SNAPIN: variants seen among roughly 807,000 people sequenced by gnomAD.
The protein encoded by SNAPIN is SNARE-associated protein Snapin.
A neutral mutation model predicts 15.9 loss-of-function variants in SNAPIN; 16 were observed. The observed-to-expected ratio is 1.01, with a 90% CI of 0.68 to 1.53. The LOEUF is 1.53. Ranked by LOEUF, SNAPIN falls within the 40% of genes most tolerant of loss-of-function variation. The pLI is 0.00. For synonymous variants in SNAPIN, 83 were observed against 76.2 expected (o/e 1.09, Z -0.46); for missense variants, 186 against 180.1 (o/e 1.03, Z -0.19).
rs777501296 is a variant in SNAPIN, at chr1:153,659,561, G to C, written c.304G>C (p.Ala102Pro). 5 of 1,607,140 alleles carry C rather than the reference G, an allele frequency of 3.1e-6. No homozygotes were observed. Among genetic ancestry groups the C allele is most frequent in the Non-Finnish European group, 4.3e-6 (5 of 1,173,684 alleles). ...VVLVNNILQN[A>P]QERLRRLNHS... ...CTTGGTTAACAACATTCTACAGAAT[G>C]CTCAGGTAAAAGAATATCTTACCAA... Residue 102 changes from alanine (A) to proline (P), a missense_variant, in exon 3 of 4, where the codon GCT becomes CCT. Transcript: ENST00000368685.
chr1:153,659,063 G>T, intron 1 of SNAPIN, 75 bp from the exon 2 acceptor site: 1 of 1,575,424 alleles, frequency 6.3e-7, no homozygotes, highest in Non-Finnish European at 8.7e-7. Flanking sequence ...CTCAGTACTT[G>T]GTAAATACGT....
intron 3 of SNAPIN, 87 bp downstream of exon 3, chr1:153,659,653 T>C (rs985797980): frequency 7.1e-5 from 69 of 968,380 alleles, no homozygotes; most frequent in Non-Finnish European, 1.0e-4. Context: ...TTAAAATTCT[T>C]TGGGGAAAGG....
chr1:153,660,515 G>A (rs926790226), intron 3 of SNAPIN, among the ~76,000 whole-genome samples: 4 of 151,932 alleles, frequency 2.6e-5, no homozygotes, highest in African/African-American at 9.7e-5. Context: ...GGGCGTGGTA[G>A]CGCATGCCTG....
chr1:153,660,608 A>G (rs1669124798), intron 3 of SNAPIN, among the ~76,000 whole-genome samples: 1 of 144,934 alleles, frequency 6.9e-6, no homozygotes, highest in Non-Finnish European at 1.5e-5. Context: ...AGATCGCACC[A>G]TTGCACTTCA....
intron 3 of SNAPIN, among the ~76,000 whole-genome samples, chr1:153,660,888 G>T (rs919498479): frequency 6.6e-6 from 1 of 150,924 alleles, no homozygotes; most frequent in African/African-American, 2.4e-5. Context: ...GGTTTCAAGC[G>T]ATTCTCCTGC....
intron 1 of SNAPIN, 118 bp downstream of exon 1, chr1:153,659,004 G>A: frequency 6.4e-7 from 1 of 1,565,368 alleles, no homozygotes; most frequent in Admixed American, 1.8e-5. Context: ...GAGGCGGGGA[G>A]GACAGGCGGG....
chr1:153,660,132 T>G (rs993558560), intron 3 of SNAPIN, among the ~76,000 whole-genome samples: 1 of 151,938 alleles, frequency 6.6e-6, no homozygotes, highest in Non-Finnish European at 1.5e-5. Flanking sequence ...AAGCGATCCA[T>G]CCACCTCAGC....
At chr1:153,660,331 C>CTTTTT (rs534699445) in intron 3 of SNAPIN, among the ~76,000 whole-genome samples, 3 of 135,190 alleles carry the variant, frequency 2.2e-5, no homozygotes, top group African/African-American at 8.3e-5. Flanking sequence ...CCTGCCTGGC[C>CTTTTT]TTTTTTTTTT....
At position 153,658,889 on chromosome 1, in the gene SNAPIN, G is replaced by A. The variant is rs370283019; in HGVS notation, c.143+3G>A. The A allele has an allele frequency of 4.2e-4, 673 of 1,609,410 alleles. No homozygotes were observed. The highest frequency in any genetic ancestry group is 5.5e-4 in the Non-Finnish European group (648 of 1,179,234). On this transcript the variant is annotated splice_donor_region_variant and intron_variant, in intron 1 of 3. Transcript: ENST00000368685. ...GACTCTCACGTACACGCCGTCAGGT[G>A]CCCGGGAGGGAAGTTGGGGGCGGGG...
Position 153,659,074 on chromosome 1 carries a change from A to G in SNAPIN, c.144-64A>G, listed in dbSNP as rs1669086899. The G allele has an allele frequency of 4.4e-6, 7 of 1,584,020 alleles. No homozygotes were observed. The Admixed American group carries it at 8.4e-5, about 19-fold the overall frequency. ...TTCTCTCAGTACTTGGTAAATACGTAGGGGAGTTCGTTTCCTGAGCTCCGG... is the reference window on the plus strand; with the variant it reads ...TTCTCTCAGTACTTGGTAAATACGTGGGGGAGTTCGTTTCCTGAGCTCCGG... On this transcript the variant is annotated intron_variant, in intron 1 of 3. Coordinates refer to ENST00000368685, the MANE Select transcript of SNAPIN (RefSeq NM_012437.6).
At position 153,661,605 on chromosome 1, in the gene SNAPIN, T is replaced by TA; in HGVS notation, c.*305dup. On this transcript the variant is annotated 3_prime_UTR_variant, in exon 4 of 4. Transcript: ENST00000368685. Reference sequence around the variant, plus strand: ...ACGTGAGGCTTACCTTCTTCAGGACTAGTTAACCAGAGGGGCTTCCTTTGT... The same window carrying TA: ...ACGTGAGGCTTACCTTCTTCAGGACTAAGTTAACCAGAGGGGCTTCCTTTGT... 4.6e-6 allele frequency: 1 copy of TA among 218,396 alleles called. No homozygotes were observed. The highest frequency in any genetic ancestry group is 7.2e-5 in the South Asian group (1 of 13,954). 13.5% of individuals were successfully genotyped at this position (218,396 alleles called of 1,614,324 possible). A position where few individuals can be genotyped will look rare whatever the true frequency, so the allele number is the denominator to read the frequency against.
intron 2 of SNAPIN, 107 bp from the exon 3 acceptor site, chr1:153,659,341 T>C (rs1669093123): frequency 2.4e-6 from 3 of 1,226,710 alleles, no homozygotes; most frequent in Admixed American, 3.4e-5. Context: ...CTCTAATGGC[T>C]GTGGCCCGTT....
intron 3 of SNAPIN, 29 bp from the exon 4 acceptor site, chr1:153,661,171 T>G: frequency 6.3e-7 from 1 of 1,595,962 alleles, no homozygotes; most frequent in Non-Finnish European, 8.6e-7. Flanking sequence ...TCACAGTGGT[T>G]AAGATTCCAA....
chr1:153,658,978 T>G, intron 1 of SNAPIN, 92 bp downstream of exon 1: 2 of 1,589,886 alleles, frequency 1.3e-6, no homozygotes. Context: ...TGGGCATAAA[T>G]TTAGGAAACT....
Position 153,658,790 on chromosome 1 carries a change from T to C in SNAPIN, c.47T>C (p.Val16Ala), listed in dbSNP as rs1368410173. 3 of 1,585,246 alleles carry C rather than the reference T, an allele frequency of 1.9e-6. No homozygotes were observed. The highest frequency in any genetic ancestry group is 2.6e-6 in the Non-Finnish European group (3 of 1,171,598). Residue 16 changes from valine (V) to alanine (A), a missense_variant, in exon 1 of 4, where the codon GTG becomes GCG. Transcript: ENST00000368685. Reference sequence around the variant, plus strand: ...GCTGTATCGGGGGCAGGGACCCCGGTGGCGGGGCCCACAGGCCGCGACCTT... The same window carrying C: ...GCTGTATCGGGGGCAGGGACCCCGGCGGCGGGGCCCACAGGCCGCGACCTT... Reference protein sequence around the residue: ...SAAVSGAGTPVAGPTGRDLFA... With the variant: ...SAAVSGAGTPAAGPTGRDLFA...
Position 153,658,721 on chromosome 1 carries a change from T to G in SNAPIN, c.-23T>G, listed in dbSNP as rs750470978. 6.6e-7 allele frequency: 1 copy of G among 1,512,450 alleles called. No individual in the cohort carries two copies. The highest frequency in any genetic ancestry group is 8.8e-7 in the Non-Finnish European group (1 of 1,138,084). 93.7% of individuals were successfully genotyped at this position (1,512,450 alleles called of 1,614,324 possible). On this transcript the variant is annotated 5_prime_UTR_variant, in exon 1 of 4. Transcript: ENST00000368685. ...GTTCCCGGCGGCCCTCGCGGCAGGT[T>G]TCGGGCTTCAGGACAATTCGTGATG...
Position 153,661,578 on chromosome 1 carries a change from A to C in SNAPIN, c.*277A>C, listed in dbSNP as rs189144419. On this transcript the variant is annotated 3_prime_UTR_variant, in exon 4 of 4. Transcript: ENST00000368685. The stretch of plus-strand genomic sequence containing the variant: ...GCCTCTACTTTTTTTTTTAAGCTGC[A>C]TACGTGAGGCTTACCTTCTTCAGGA... The C allele has an allele frequency of 1.1e-4, 30 of 268,512 alleles. No individual in the cohort carries two copies. The Admixed American group carries it at 1.2e-3, about 10-fold the overall frequency. The allele number at this position is 268,512 out of a possible 1,614,324, so 16.6% of individuals were successfully genotyped here.
intron 3 of SNAPIN, among the ~76,000 whole-genome samples, chr1:153,660,443 G>A (rs959872053): frequency 1.3e-5 from 2 of 151,598 alleles, no homozygotes; most frequent in African/African-American, 2.4e-5. Flanking sequence ...GAGGTTGGGA[G>A]TTGGAGACCA....
chr1:153,660,564 C>T lies in SNAPIN; in HGVS notation c.310-636C>T, dbSNP rs184063684. Among the ~76,000 whole-genome samples the T allele has an allele frequency of 4.7e-5, 7 of 149,326 alleles. No individual in the cohort carries two copies. The East Asian group carries it at 1.4e-3, about 30-fold the overall frequency. ...TTGGGAGGCTGAGACAGAAGAATCA[C>T]TTGAGCCCGGGGGACGGAGGTTGCG... On this transcript the variant is annotated intron_variant, in intron 3 of 3. Transcript: ENST00000368685.
Sources: gnomAD v4.1 joint callset for allele counts (sites outside exome capture counted in the v4.1 genomes callset) on GRCh38, gnomAD v4.1.1 for gene constraint, MANE v1.5 for transcripts, NCBI Gene and HGNC (gene_info 2026-07-23, HGNC 2026-07-21) for gene names.